CPA6: variants seen among roughly 807,000 people sequenced by gnomAD.
CPA6 encodes carboxypeptidase B.
Under a neutral mutation model 63.3 loss-of-function variants are expected in CPA6, and 58 were observed. The ratio of observed to expected loss-of-function variants is 0.92; its 90% CI spans 0.74 to 1.14. The LOEUF (loss-of-function observed/expected upper bound fraction) is 1.14, where lower values mean the gene tolerates loss of function less well. Ranked by LOEUF, CPA6 falls within the 50% of genes most tolerant of loss-of-function variation. CPA6 has a pLI of 0.00. For missense variants in CPA6, 565 were observed against 526.6 expected (o/e 1.07, Z -0.71); for synonymous variants, 185 against 179.0 (o/e 1.03, Z -0.27).
At chr8:67,453,134 G>A (rs1421361437) in intron 8 of CPA6, among the ~76,000 whole-genome samples, 1 of 152,110 alleles carries the variant, frequency 6.6e-6, no homozygotes, top group Non-Finnish European at 1.5e-5. Context: ...TGGCAGGGGG[G>A]CAAGGGTAGC....
At chr8:67,613,909 A>G (rs1205740393) in intron 2 of CPA6, among the ~76,000 whole-genome samples, 1 of 152,162 alleles carries the variant, frequency 6.6e-6, no homozygotes, top group African/African-American at 2.4e-5. Context: ...GAGGAGGAAC[A>G]TCTGAACTCT....
chr8:67,560,787 G>A (rs1001418053), intron 2 of CPA6, among the ~76,000 whole-genome samples: 6 of 152,072 alleles, frequency 3.9e-5, no homozygotes, highest in Non-Finnish European at 7.4e-5. Flanking sequence ...ATTTCCTTTC[G>A]TAGTCCTTTT....
intron 1 of CPA6, among the ~76,000 whole-genome samples, chr8:67,664,683 G>A (rs1414135544): frequency 6.6e-6 from 1 of 152,046 alleles, no homozygotes; most frequent in Non-Finnish European, 1.5e-5. Context: ...AGGTTGTTTG[G>A]GTGTGGATTT....
At chr8:67,729,152 G>A (rs999059708) in intron 1 of CPA6, among the ~76,000 whole-genome samples, 1 of 152,106 alleles carries the variant, frequency 6.6e-6, no homozygotes, top group Non-Finnish European at 1.5e-5. Context: ...CAGAGTCCCA[G>A]GCTCTACCTG....
At chr8:67,514,104 C>T (rs554471307) in intron 3 of CPA6, among the ~76,000 whole-genome samples, 16 of 152,054 alleles carry the variant, frequency 1.1e-4, no homozygotes, top group South Asian at 4.2e-4. Flanking sequence ...ATTACAGCCA[C>T]GCACCAACAT....
At chr8:67,478,544 T>C (rs185291331) in intron 8 of CPA6, among the ~76,000 whole-genome samples, 2 of 152,184 alleles carry the variant, frequency 1.3e-5, no homozygotes, top group Non-Finnish European at 2.9e-5. Context: ...TTTAGGTAGA[T>C]AGAGTCAGAA....
intron 1 of CPA6, among the ~76,000 whole-genome samples, chr8:67,692,401 C>T (rs1816832287): frequency 6.6e-6 from 1 of 150,956 alleles, no homozygotes; most frequent in Non-Finnish European, 1.5e-5. Context: ...ATCTCACTTG[C>T]TAAAGTGTGA....
intron 1 of CPA6, among the ~76,000 whole-genome samples, chr8:67,685,575 C>T (rs1387464065): frequency 6.6e-6 from 1 of 152,108 alleles, no homozygotes; most frequent in African/African-American, 2.4e-5. Context: ...GCCGAGATGG[C>T]GCCACTGCGT....
intron 8 of CPA6, among the ~76,000 whole-genome samples, chr8:67,478,479 G>A (rs1232813526): frequency 1.3e-5 from 2 of 152,150 alleles, no homozygotes; most frequent in African/African-American, 4.8e-5. Flanking sequence ...TGACATTTGA[G>A]GTTGGGGGCA....
chr8:67,712,236 T>C (rs999206246), intron 1 of CPA6, among the ~76,000 whole-genome samples: 1 of 152,100 alleles, frequency 6.6e-6, no homozygotes, highest in Non-Finnish European at 1.5e-5. Context: ...TCGGGACCAC[T>C]GGAGCTACAA....
At chr8:67,706,703 A>C (rs916719752) in intron 1 of CPA6, among the ~76,000 whole-genome samples, 1 of 152,216 alleles carries the variant, frequency 6.6e-6, no homozygotes, top group African/African-American at 2.4e-5. Flanking sequence ...GAATAGAAGC[A>C]CAACATAGTT....
intron 8 of CPA6, among the ~76,000 whole-genome samples, chr8:67,449,444 A>AT: frequency 6.6e-6 from 1 of 152,160 alleles, no homozygotes; most frequent in South Asian, 2.1e-4. Flanking sequence ...TTGTCTACTT[A>AT]TTTTTCCATA....
At chr8:67,702,073 G>T (rs1167458380) in intron 1 of CPA6, among the ~76,000 whole-genome samples, 1 of 152,108 alleles carries the variant, frequency 6.6e-6, no homozygotes, top group Non-Finnish European at 1.5e-5. Flanking sequence ...TGGCTCCAGG[G>T]AAAGACAGTC....
At chr8:67,738,516 C>T (rs10109350) in intron 1 of CPA6, among the ~76,000 whole-genome samples, 5,520 of 152,038 alleles carry the variant, frequency 0.036, 337 homozygotes, top group African/African-American at 0.13. Flanking sequence ...TAGGATTCTT[C>T]GTCATAGCAA....
intron 2 of CPA6, among the ~76,000 whole-genome samples, chr8:67,607,168 CCTCTTCTTCTTCTTCTTCTTCT>C: frequency 9.7e-6 from 1 of 103,400 alleles, no homozygotes; most frequent in East Asian, 3.7e-4. Flanking sequence ...TCTTCTTCTT[CCTCTTCTTCTTCTTCTTCTTCT>C]TCTTCTTCTT....
intron 2 of CPA6, among the ~76,000 whole-genome samples, chr8:67,608,276 A>G (rs946394041): frequency 1.3e-5 from 2 of 152,116 alleles, no homozygotes; most frequent in Non-Finnish European, 2.9e-5. Flanking sequence ...TTGGCCCACC[A>G]TGTCCCCCTA....
At chr8:67,639,338 G>A (rs753589654) in intron 1 of CPA6, among the ~76,000 whole-genome samples, 7 of 151,556 alleles carry the variant, frequency 4.6e-5, no homozygotes, top group South Asian at 4.1e-4. Flanking sequence ...GGCTGTGCTC[G>A]GCTCCCGCTA....
At chr8:67,477,814 T>C (rs1811275820) in intron 8 of CPA6, among the ~76,000 whole-genome samples, 3 of 152,196 alleles carry the variant, frequency 2.0e-5, no homozygotes, top group South Asian at 4.1e-4. Context: ...CCTCTGAAAT[T>C]TAATGTGGAT....
chr8:67,508,795 T>C (rs1356995540), intron 5 of CPA6, among the ~76,000 whole-genome samples: 1 of 152,132 alleles, frequency 6.6e-6, no homozygotes, highest in Admixed American at 6.6e-5. Context: ...TATAGGTCAG[T>C]AGACAGAAGA....
Sources: allele counts gnomAD v4.1 joint callset (sites outside exome capture counted in the v4.1 genomes callset), GRCh38; gene constraint gnomAD v4.1.1; transcripts MANE v1.5; gene names NCBI Gene and HGNC (gene_info 2026-07-23, HGNC 2026-07-21).